CSMD1: variants seen among roughly 807,000 people sequenced by gnomAD.
CSMD1 encodes CUB and Sushi multiple domains 1, also known as CUB and sushi domain-containing protein 1.
Under a neutral mutation model 417.5 loss-of-function variants are expected in CSMD1, and 213 were observed. That is an observed-to-expected ratio of 0.51 (90% CI 0.46 to 0.57). The LOEUF (loss-of-function observed/expected upper bound fraction) is 0.57, where lower values mean the gene tolerates loss of function less well. Ranked by LOEUF, CSMD1 falls within the 20% of genes least tolerant of loss-of-function variation. The pLI is 0.00. For synonymous variants in CSMD1, 2,862 were observed against 1,736.8 expected, an observed-to-expected ratio of 1.65 and a Z score of -16.11; for missense variants, 6,923 against 4,529.7, an observed-to-expected ratio of 1.53 and a Z score of -15.17.
chr8:4,236,051 T>G (rs1174092067), intron 3 of CSMD1, among the ~76,000 whole-genome samples: 28 of 44,296 alleles, frequency 6.3e-4, no homozygotes, highest in African/African-American at 8.8e-4. Flanking sequence ...TTTTTTTTTT[T>G]TTTTTTTTTT....
intron 2 of CSMD1, among the ~76,000 whole-genome samples, chr8:4,545,686 C>T (rs1797597458): frequency 6.6e-6 from 1 of 152,148 alleles, no homozygotes; most frequent in Non-Finnish European, 1.5e-5. Context: ...GACATGCTCA[C>T]TATTTTCTCT....
At chr8:3,322,238 A>G (rs1806198572) in intron 23 of CSMD1, among the ~76,000 whole-genome samples, 2 of 152,322 alleles carry the variant, frequency 1.3e-5, no homozygotes, top group South Asian at 4.1e-4. Context: ...GCAGGAGCGG[A>G]ACATTTTCCT....
At chr8:3,882,236 T>G (rs1806254701) in intron 5 of CSMD1, among the ~76,000 whole-genome samples, 1 of 151,968 alleles carries the variant, frequency 6.6e-6, no homozygotes, top group South Asian at 2.1e-4. Flanking sequence ...AAAAAGTAAT[T>G]GATTTGAACT....
intron 3 of CSMD1, among the ~76,000 whole-genome samples, chr8:4,118,770 C>G (rs562988922): frequency 6.6e-6 from 1 of 152,098 alleles, no homozygotes; most frequent in South Asian, 2.1e-4. Flanking sequence ...ATGAATCGTT[C>G]TACTATAAAG....
intron 5 of CSMD1, among the ~76,000 whole-genome samples, chr8:3,945,392 G>C (rs373791347): frequency 1.4e-4 from 21 of 151,954 alleles, no homozygotes; most frequent in African/African-American, 4.3e-4. Flanking sequence ...CAATATAAAT[G>C]AACGGCTTAA....
At chr8:4,162,062 T>G (rs1797205636) in intron 3 of CSMD1, among the ~76,000 whole-genome samples, 1 of 152,206 alleles carries the variant, frequency 6.6e-6, no homozygotes, top group South Asian at 2.1e-4. Context: ...ATGTCAACCT[T>G]GATAAGCAAG....
intron 3 of CSMD1, among the ~76,000 whole-genome samples, chr8:4,321,470 C>A (rs1799271806): frequency 6.6e-6 from 1 of 152,036 alleles, no homozygotes; most frequent in South Asian, 2.1e-4. Context: ...TCTCTTAATT[C>A]CTCAGTGATG....
intron 5 of CSMD1, among the ~76,000 whole-genome samples, chr8:3,867,409 T>C (rs928170861): frequency 6.6e-6 from 1 of 152,262 alleles, no homozygotes; most frequent in Non-Finnish European, 1.5e-5. Context: ...CTTTTAAGGA[T>C]ACTTACTCAG....
At chr8:4,377,832 T>A (rs917970782) in intron 3 of CSMD1, among the ~76,000 whole-genome samples, 1 of 152,230 alleles carries the variant, frequency 6.6e-6, no homozygotes, top group Admixed American at 6.5e-5. Context: ...ATAAATATTT[T>A]TGCCCCAATT....
chr8:3,089,368 T>C (rs967415049), intron 48 of CSMD1, among the ~76,000 whole-genome samples: 1 of 152,206 alleles, frequency 6.6e-6, no homozygotes, highest in Non-Finnish European at 1.5e-5. Context: ...GAAAAGGACA[T>C]TGTTAATTCA....
At chr8:3,712,398 G>GAGAC (rs71203463) in intron 6 of CSMD1, among the ~76,000 whole-genome samples, 15 of 28,870 alleles carry the variant, frequency 5.2e-4, no homozygotes, top group African/African-American at 1.0e-3. Context: ...GAGAGAGAGA[G>GAGAC]AGACAGACAG....
intron 2 of CSMD1, among the ~76,000 whole-genome samples, chr8:4,636,108 T>C (rs1802797811): frequency 6.6e-6 from 1 of 152,074 alleles, no homozygotes; most frequent in African/African-American, 2.4e-5. Flanking sequence ...TCTGTAGAGA[T>C]TTTTTTCTCA....
chr8:3,332,084 A>G (rs1806937583), intron 23 of CSMD1, among the ~76,000 whole-genome samples: 2 of 152,256 alleles, frequency 1.3e-5, no homozygotes, highest in Non-Finnish European at 2.9e-5. Context: ...ATTAATTGAC[A>G]GACACATGAT....
chr8:4,224,144 G>T (rs1249590044), intron 3 of CSMD1, among the ~76,000 whole-genome samples: 2 of 152,036 alleles, frequency 1.3e-5, no homozygotes, highest in Non-Finnish European at 2.9e-5. Flanking sequence ...ACTTAACTTT[G>T]TTTCGCTTAC....
At position 2,949,322 on chromosome 8, in the gene CSMD1, C is replaced by T. The variant is rs1236928062; in HGVS notation, c.10379G>A (p.Gly3460Glu). The change falls in exon 68 of 70, where the codon GGA (glycine) becomes GAA (glutamate). Residue 3460 changes from glycine to glutamate, a missense_variant. By Grantham distance (98) the Gly-to-Glu change is moderately conservative. Transcript: ENST00000635120. ...FQGDIHGKDF[G>E]KFKLERQDPL... ...ACCTTGCCTTTCTAGCTTAAATTTTCCAAAGTCTTTTCCATGAATGTCACC... is the reference window on the plus strand; with the variant it reads ...ACCTTGCCTTTCTAGCTTAAATTTTTCAAAGTCTTTTCCATGAATGTCACC... The T allele has an allele frequency of 1.2e-6, 2 of 1,600,570 alleles. No individual in the cohort carries two copies. The highest frequency in any genetic ancestry group is 1.7e-6 in the Non-Finnish European group (2 of 1,171,664).
At chr8:4,190,999 C>A (rs983051481) in intron 3 of CSMD1, among the ~76,000 whole-genome samples, 1 of 151,972 alleles carries the variant, frequency 6.6e-6, no homozygotes, top group Admixed American at 6.6e-5. Flanking sequence ...GGATACTAGA[C>A]TTAGTACTTG....
chr8:3,485,332 C>G (rs529689091), intron 11 of CSMD1, among the ~76,000 whole-genome samples: 1 of 152,172 alleles, frequency 6.6e-6, no homozygotes, highest in Admixed American at 6.5e-5. Flanking sequence ...AACATTCTTG[C>G]AATGACAAAT....
intron 47 of CSMD1, among the ~76,000 whole-genome samples, chr8:3,093,163 T>C (rs1815065218): frequency 6.6e-6 from 1 of 151,774 alleles, no homozygotes; most frequent in African/African-American, 2.4e-5. Flanking sequence ...AGAGGGAGGG[T>C]CCCTAAAGAC....
At chr8:4,426,586 G>A (rs1219272030) in intron 2 of CSMD1, among the ~76,000 whole-genome samples, 2 of 141,104 alleles carry the variant, frequency 1.4e-5, no homozygotes, top group Non-Finnish European at 3.0e-5. Flanking sequence ...CACAGTATGT[G>A]CAGTATAGTA....
Sources: gnomAD v4.1 joint callset for allele counts (sites outside exome capture counted in the v4.1 genomes callset) on GRCh38, gnomAD v4.1.1 for gene constraint, MANE v1.5 for transcripts, NCBI Gene and HGNC (gene_info 2026-07-23, HGNC 2026-07-21) for gene names.